HYDIN: variants seen among roughly 807,000 people sequenced by gnomAD.
The protein encoded by HYDIN is axonemal central pair apparatus protein HYDIN.
In HYDIN, 132 loss-of-function variants were observed where a neutral mutation model predicts 403.9. The observed-to-expected ratio is 0.33, with a 90% confidence interval of 0.28 to 0.38. The LOEUF is 0.38. Among genes scored for constraint, HYDIN ranks in the 10% least tolerant of loss-of-function variants. The pLI, the probability that HYDIN is intolerant of heterozygous loss-of-function variation, is 1.00. For missense variants in HYDIN, 2,827 were observed against 5,009.5 expected (o/e 0.56, Z 13.15); for synonymous variants, 1,202 against 1,891.7 (o/e 0.64, Z 9.46).
At chr16:70,925,457 A>G (rs1489284580) in intron 45 of HYDIN, among the ~76,000 whole-genome samples, 1 of 152,256 alleles carries the variant, frequency 6.6e-6, no homozygotes, top group African/African-American at 2.4e-5. Context: ...ACAAAAATCA[A>G]TTCAAGATGG....
At chr16:70,886,925 G>T (rs558868356) in intron 58 of HYDIN, among the ~76,000 whole-genome samples, 1 of 152,062 alleles carries the variant, frequency 6.6e-6, no homozygotes, top group African/African-American at 2.4e-5. Context: ...GAGTCTGTAG[G>T]TTTACATCTT....
chr16:71,228,611 C>A (rs1476780850), intron 1 of HYDIN, among the ~76,000 whole-genome samples: 1 of 152,186 alleles, frequency 6.6e-6, no homozygotes, highest in Non-Finnish European at 1.5e-5. Context: ...CAATAAGATA[C>A]CATCTCACAC....
chr16:71,217,826 G>A (rs971863343), intron 1 of HYDIN, among the ~76,000 whole-genome samples: 1 of 152,170 alleles, frequency 6.6e-6, no homozygotes, highest in East Asian at 1.9e-4. Flanking sequence ...CCTGCTTTGC[G>A]GGAGAGCCAT....
chr16:71,136,751 T>A (rs1366619481), intron 8 of HYDIN, among the ~76,000 whole-genome samples: 1 of 127,424 alleles, frequency 7.8e-6, no homozygotes, highest in Non-Finnish European at 1.6e-5. Context: ...CTGGCGACAG[T>A]ACGAGACTCC....
chr16:71,028,436 G>A (rs1316405533), intron 19 of HYDIN, among the ~76,000 whole-genome samples: 1 of 151,880 alleles, frequency 6.6e-6, no homozygotes, highest in Admixed American at 6.6e-5. Flanking sequence ...GTATTCATTT[G>A]TTCATCATGC....
intron 23 of HYDIN, among the ~76,000 whole-genome samples, chr16:70,995,954 C>G (rs2079518983): frequency 6.6e-6 from 1 of 150,464 alleles, no homozygotes; most frequent in African/African-American, 2.5e-5. Flanking sequence ...GTGGCTGTAC[C>G]TTCCTCTGGA....
intron 1 of HYDIN, chr16:71,203,925 C>A: frequency 2.4e-6 from 1 of 414,162 alleles, no homozygotes; most frequent in South Asian, 1.8e-5. Flanking sequence ...ATTAGCTGTG[C>A]ATGGTGGTGC....
chr16:71,177,232 T>C (rs898013306), intron 4 of HYDIN, among the ~76,000 whole-genome samples: 2 of 152,340 alleles, frequency 1.3e-5, no homozygotes, highest in African/African-American at 4.8e-5. Context: ...CTGATGACCA[T>C]TTCTTGTTTA....
chr16:70,851,640 G>A (rs1597122428), intron 73 of HYDIN, among the ~76,000 whole-genome samples: 1 of 151,118 alleles, frequency 6.6e-6, no homozygotes, highest in Non-Finnish European at 1.5e-5. Flanking sequence ...ATGTAAACTC[G>A]TTCTGCCACT....
intron 3 of HYDIN, among the ~76,000 whole-genome samples, chr16:71,179,589 T>C (rs934060826): frequency 2.6e-5 from 4 of 152,248 alleles, no homozygotes; most frequent in Non-Finnish European, 4.4e-5. Context: ...ATTCTCATCA[T>C]ACAAAACAAT....
chr16:70,834,220 C>T lies in HYDIN; in HGVS notation c.13402-56G>A, dbSNP rs530721898. The T allele has an allele frequency of 7.9e-4, 1,035 of 1,307,376 alleles. 5 individuals are homozygous for T. Among genetic ancestry groups the T allele is most frequent in the South Asian group, 3.5e-3 (260 of 74,390 alleles). The allele number at this position is 1,307,376 out of a possible 1,614,324, so 81.0% of individuals were successfully genotyped here. A position where few individuals can be genotyped will look rare whatever the true frequency, so the allele number is the denominator to read the frequency against. On this transcript the variant is annotated intron_variant, in intron 78 of 85. Coordinates refer to ENST00000393567, the MANE Select transcript of HYDIN (RefSeq NM_001270974.2). ...TGAGGGTGGGAGGCCCCTAAGGCCT[C>T]GGTTCCCGGAGTTCTTGCTGCTGCG...
intron 40 of HYDIN, among the ~76,000 whole-genome samples, chr16:70,953,553 G>A (rs977439954): frequency 2.0e-5 from 3 of 151,948 alleles, no homozygotes; most frequent in Non-Finnish European, 2.9e-5. Flanking sequence ...TCTACTTCCC[G>A]GCTTCCCCAT....
At chr16:70,965,138 T>C (rs577039082) in intron 36 of HYDIN, among the ~76,000 whole-genome samples, 29 of 152,112 alleles carry the variant, frequency 1.9e-4, no homozygotes, top group African/African-American at 6.5e-4. Flanking sequence ...GCATTTCACC[T>C]GTGGAAATAT....
At chr16:71,207,206 C>T (rs1293811113) in intron 1 of HYDIN, among the ~76,000 whole-genome samples, 1 of 152,132 alleles carries the variant, frequency 6.6e-6, no homozygotes, top group Admixed American at 6.5e-5. Flanking sequence ...AAGGGGAAAC[C>T]CATCAGACTA....
chr16:71,230,501 C>T, intron 1 of HYDIN, 61 bp downstream of exon 1: 1 of 1,461,904 alleles, frequency 6.8e-7, no homozygotes, highest in Non-Finnish European at 9.0e-7. Flanking sequence ...AGAGGGGACG[C>T]CCCGGTTAGC....
intron 17 of HYDIN, 152 bp from the exon 18 acceptor site, chr16:71,060,808 G>T: frequency 1.6e-6 from 1 of 624,058 alleles, no homozygotes; most frequent in South Asian, 1.9e-5. Context: ...GGAACACAGC[G>T]AGGGCCATGC....
At chr16:70,944,300 T>C (rs1474503756) in intron 41 of HYDIN, among the ~76,000 whole-genome samples, 2 of 152,208 alleles carry the variant, frequency 1.3e-5, no homozygotes, top group South Asian at 2.1e-4. Context: ...CAATCCACCA[T>C]TGCATTCCAA....
chr16:71,167,624 G>C (rs1279353048), intron 5 of HYDIN, among the ~76,000 whole-genome samples: 2 of 152,202 alleles, frequency 1.3e-5, no homozygotes, highest in Non-Finnish European at 2.9e-5. Flanking sequence ...AAGGTTTGAA[G>C]TTTGATTTGC....
chr16:71,159,907 A>G (rs2085931188), intron 6 of HYDIN, among the ~76,000 whole-genome samples: 1 of 148,140 alleles, frequency 6.8e-6, no homozygotes. Flanking sequence ...TTGTGCTACA[A>G]GAAATATTAA....
Sources: gnomAD v4.1 joint callset for allele counts (sites outside exome capture counted in the v4.1 genomes callset) on GRCh38, gnomAD v4.1.1 for gene constraint, MANE v1.5 for transcripts, NCBI Gene and HGNC (gene_info 2026-07-23, HGNC 2026-07-21) for gene names.